Variants in C1orf21 observed in about 807,000 individuals in gnomAD.
C1orf21 encodes chromosome 1 open reading frame 21, also known as uncharacterized protein C1orf21.
C1orf21 carries 3 observed loss-of-function variants against 18.7 expected under a neutral mutation model. The observed-to-expected ratio is 0.16, with a 90% CI of 0.07 to 0.42. The LOEUF is 0.42. Ranked by LOEUF, C1orf21 falls within the 10% of genes least tolerant of loss-of-function variation. The pLI, the probability that C1orf21 is intolerant of heterozygous loss-of-function variation, is 0.99. For synonymous variants in C1orf21, 41 were observed against 46.4 expected, an observed-to-expected ratio of 0.88 and a Z score of 0.47; for missense variants, 104 against 143.6, an observed-to-expected ratio of 0.72 and a Z score of 1.41.
intron 3 of C1orf21, chr1:184,567,549 G>T (rs1659051837): frequency 2.0e-6 from 1 of 510,108 alleles, no homozygotes; most frequent in Non-Finnish European, 3.9e-6. Flanking sequence ...TGTGGAACCG[G>T]TGTGATCAGC....
chr1:184,497,088 A>G (rs905759817), intron 2 of C1orf21, among the ~76,000 whole-genome samples: 11 of 152,218 alleles, frequency 7.2e-5, no homozygotes, highest in Non-Finnish European at 1.3e-4. Context: ...TGAAACCTTC[A>G]TGAATGAATC....
chr1:184,444,824 A>G (rs1657003863), intron 1 of C1orf21, among the ~76,000 whole-genome samples: 2 of 152,140 alleles, frequency 1.3e-5, no homozygotes, highest in African/African-American at 4.8e-5. Context: ...GTACTTAAGT[A>G]CTTAGGAGGT....
At chr1:184,533,242 C>T (rs1658496823) in intron 3 of C1orf21, among the ~76,000 whole-genome samples, 1 of 152,126 alleles carries the variant, frequency 6.6e-6, no homozygotes, top group African/African-American at 2.4e-5. Context: ...ACCCCTCCCA[C>T]CACATCCTCT....
In C1orf21 at chr1:184,626,527, T is replaced by C. The variant is rs1399822690; in HGVS notation, c.*6971T>C. On this transcript the variant is annotated 3_prime_UTR_variant, in exon 6 of 6. Coordinates refer to ENST00000235307, the MANE Select transcript of C1orf21 (RefSeq NM_030806.4). The stretch of plus-strand genomic sequence containing the variant: ...AGTGAGCCAGGCTAGCCACAGAGGG[T>C]TCCCGGGGCTTTGCTGGGGATTCAG... 1 of 152,394 alleles carries C rather than the reference T, an allele frequency of 6.6e-6. No individual in the cohort carries two copies. Among genetic ancestry groups the C allele is most frequent in the Non-Finnish European group, 1.5e-5 (1 of 68,392 alleles). 9.4% of individuals were successfully genotyped at this position (152,394 alleles called of 1,614,324 possible).
intron 3 of C1orf21, among the ~76,000 whole-genome samples, chr1:184,517,836 A>C (rs937355178): frequency 1.3e-5 from 2 of 152,184 alleles, no homozygotes; most frequent in Non-Finnish European, 2.9e-5. Context: ...ATTCATCCCC[A>C]AAGATCTCAT....
intron 2 of C1orf21, among the ~76,000 whole-genome samples, chr1:184,478,866 A>G (rs1657611205): frequency 1.3e-5 from 2 of 152,228 alleles, no homozygotes; most frequent in African/African-American, 2.4e-5. Flanking sequence ...TCATAGAGAT[A>G]TGTTGTAGAA....
intron 1 of C1orf21, among the ~76,000 whole-genome samples, chr1:184,419,983 T>A (rs1656520377): frequency 2.0e-5 from 3 of 152,128 alleles, no homozygotes. Context: ...TTTTATAGGA[T>A]CACTGGCTGT....
intron 2 of C1orf21, among the ~76,000 whole-genome samples, chr1:184,493,408 A>G (rs1169823034): frequency 6.6e-5 from 10 of 152,284 alleles, no homozygotes; most frequent in East Asian, 1.9e-4. Flanking sequence ...GTGAAAAATC[A>G]TGATGTTAAA....
chr1:184,615,828 C>T (rs886110329), intron 5 of C1orf21, among the ~76,000 whole-genome samples: 6 of 151,994 alleles, frequency 3.9e-5, no homozygotes, highest in Admixed American at 6.5e-5. Context: ...AGTAATTGTA[C>T]GTATTTATAG....
At chr1:184,419,590 C>G (rs1295082342) in intron 1 of C1orf21, among the ~76,000 whole-genome samples, 2 of 151,914 alleles carry the variant, frequency 1.3e-5, no homozygotes, top group East Asian at 3.9e-4. Flanking sequence ...AAACAATACA[C>G]ACAGTCATGT....
At chr1:184,460,016 A>G (rs1392367958) in intron 1 of C1orf21, among the ~76,000 whole-genome samples, 2 of 152,084 alleles carry the variant, frequency 1.3e-5, no homozygotes, top group Non-Finnish European at 2.9e-5. Context: ...CTTGTTCTTC[A>G]GGGCCTTCCC....
chr1:184,447,207 T>C (rs149419569), intron 1 of C1orf21, among the ~76,000 whole-genome samples: 8 of 152,336 alleles, frequency 5.3e-5, no homozygotes, highest in African/African-American at 1.7e-4. Context: ...TCTTGCTTTA[T>C]ACTAGGCATT....
chr1:184,505,549 G>A (rs184900880), intron 2 of C1orf21, among the ~76,000 whole-genome samples: 345 of 151,704 alleles, frequency 2.3e-3, no homozygotes, highest in African/African-American at 7.9e-3. Context: ...GATCACCTGA[G>A]GTCAGGAGTT....
chr1:184,390,184 CTTTG>C (rs768208650), intron 1 of C1orf21, among the ~76,000 whole-genome samples: 1 of 152,142 alleles, frequency 6.6e-6, no homozygotes, highest in Non-Finnish European at 1.5e-5. Flanking sequence ...GAGAGCATTG[CTTTG>C]TTTGTATTTT....
Position 184,621,392 on chromosome 1 carries a change from A to G in C1orf21, c.*1836A>G, listed in dbSNP as rs1182661766. On this transcript the variant is annotated 3_prime_UTR_variant, in exon 6 of 6. Coordinates refer to ENST00000235307, the MANE Select transcript of C1orf21 (RefSeq NM_030806.4). ...CTTTTATCCTGCTTCTAGCAGAAAAATGCAGGGAGAGTCAAGTAGTCTAGG... is the reference window on the plus strand; with the variant it reads ...CTTTTATCCTGCTTCTAGCAGAAAAGTGCAGGGAGAGTCAAGTAGTCTAGG... The G allele has an allele frequency of 6.6e-6, 1 of 152,650 alleles. No individual in the cohort carries two copies. The highest frequency in any genetic ancestry group is 1.5e-5 in the Non-Finnish European group (1 of 68,040). The allele number at this position is 152,650 out of a possible 1,614,324, so 9.5% of individuals were successfully genotyped here. A position where few individuals can be genotyped will look rare whatever the true frequency, so the allele number is the denominator to read the frequency against.
chr1:184,489,869 A>C (rs907812155), intron 2 of C1orf21, among the ~76,000 whole-genome samples: 1 of 152,196 alleles, frequency 6.6e-6, no homozygotes, highest in Admixed American at 6.5e-5. Context: ...TTTATTGTGA[A>C]GTTTCAGGTG....
intron 1 of C1orf21, among the ~76,000 whole-genome samples, chr1:184,396,911 G>T (rs566019838): frequency 6.0e-4 from 91 of 152,246 alleles, no homozygotes; most frequent in African/African-American, 2.1e-3. Flanking sequence ...AACACCTGCC[G>T]CACACTAGGG....
chr1:184,469,426 A>G (rs183218978), intron 1 of C1orf21, among the ~76,000 whole-genome samples: 2 of 152,336 alleles, frequency 1.3e-5, no homozygotes, highest in Admixed American at 1.3e-4. Context: ...AACTGGATTG[A>G]AAATGTGGAA....
intron 3 of C1orf21, among the ~76,000 whole-genome samples, chr1:184,518,051 G>A (rs1238933000): frequency 6.6e-6 from 1 of 152,190 alleles, no homozygotes; most frequent in African/African-American, 2.4e-5. Flanking sequence ...TAAGAGAGAA[G>A]AATGATACCC....
Sources: gnomAD v4.1 joint callset for allele counts (sites outside exome capture counted in the v4.1 genomes callset) on GRCh38, gnomAD v4.1.1 for gene constraint, MANE v1.5 for transcripts, NCBI Gene and HGNC (gene_info 2026-07-23, HGNC 2026-07-21) for gene names.